Variants in AK7 observed in about 807,000 individuals in gnomAD.
AK7 encodes ATP-AMP transphosphorylase 7.
Under a neutral mutation model 96.6 loss-of-function variants are expected in AK7, and 78 were observed. The ratio of observed to expected loss-of-function variants is 0.81; its 90% CI spans 0.67 to 0.97. The LOEUF (loss-of-function observed/expected upper bound fraction) is 0.97. Among genes scored for constraint, AK7 ranks in the 50% least tolerant of loss-of-function variants. AK7 has a pLI of 0.00. For synonymous variants in AK7, 302 were observed against 317.2 expected, an observed-to-expected ratio of 0.95 and a Z score of 0.51; for missense variants, 855 against 887.9, an observed-to-expected ratio of 0.96 and a Z score of 0.47.
chr14:96,392,408 GC>G, intron 1 of AK7, 149 bp downstream of exon 1: 2 of 641,568 alleles, frequency 3.1e-6, no homozygotes, highest in South Asian at 1.9e-5. Flanking sequence ...CACCACCAAT[GC>G]CCCCTGGACC....
At chr14:96,393,784 G>A (rs991434985) in intron 1 of AK7, among the ~76,000 whole-genome samples, 1 of 152,014 alleles carries the variant, frequency 6.6e-6, no homozygotes, top group African/African-American at 2.4e-5. Context: ...GGGGGTAGAC[G>A]CTATTTAACC....
chr14:96,486,599 C>T (rs1199339088), intron 16 of AK7, among the ~76,000 whole-genome samples: 2 of 151,106 alleles, frequency 1.3e-5, no homozygotes, highest in East Asian at 3.9e-4. Flanking sequence ...TTGCACATGT[C>T]ACTATCCCAA....
chr14:96,397,739 T>G (rs1890162035), intron 1 of AK7, among the ~76,000 whole-genome samples: 4 of 152,216 alleles, frequency 2.6e-5, no homozygotes, highest in Admixed American at 2.6e-4. Context: ...AAATAACCTA[T>G]GTGGCTCCTA....
At chr14:96,405,598 A>G (rs1041115828) in intron 3 of AK7, among the ~76,000 whole-genome samples, 5 of 152,230 alleles carry the variant, frequency 3.3e-5, no homozygotes, top group Non-Finnish European at 7.3e-5. Flanking sequence ...ACCCCAAGGC[A>G]CAAGTCATCA....
At chr14:96,451,393 A>C (rs371692761) in intron 9 of AK7, 28 bp from the exon 10 acceptor site, 4 of 1,514,984 alleles carry the variant, frequency 2.6e-6, no homozygotes, top group Non-Finnish European at 2.7e-6. Context: ...AAAAAAAGAC[A>C]AATCTCTAAT....
chr14:96,465,989 G>A lies in AK7; in HGVS notation c.1358-5489G>A, dbSNP rs568098563. Among the ~76,000 whole-genome samples the A allele has an allele frequency of 6.8e-5, 9 of 133,046 alleles. No individual in the cohort carries two copies. In the East Asian group the frequency reaches 1.7e-3, roughly 26 times the overall value. 87.3% of individuals were successfully genotyped at this position (133,046 alleles called of 152,430 possible). A position where few individuals can be genotyped will look rare whatever the true frequency, so the allele number is the denominator to read the frequency against. ...CATGCCACTGCACTCCAGACAGGGC[G>A]ATAGAGCAAGACTCCATCTCAAAAA... On this transcript the variant is annotated intron_variant, in intron 12 of 17. Transcript: ENST00000267584.
intron 12 of AK7, among the ~76,000 whole-genome samples, chr14:96,467,766 A>G (rs1894653810): frequency 6.6e-6 from 1 of 152,126 alleles, no homozygotes; most frequent in South Asian, 2.1e-4. Context: ...TCAGCAAACA[A>G]TGGAGTTTTA....
chr14:96,451,354 T>G, intron 9 of AK7, 67 bp from the exon 10 acceptor site: 1 of 1,352,576 alleles, frequency 7.4e-7, no homozygotes, highest in Middle Eastern at 1.9e-4. Flanking sequence ...TGTAGTGATT[T>G]TGGTCTGTTA....
intron 12 of AK7, among the ~76,000 whole-genome samples, chr14:96,463,746 AAG>A (rs1894402155): frequency 6.6e-6 from 1 of 151,922 alleles, no homozygotes; most frequent in South Asian, 2.1e-4. Flanking sequence ...AAAGGAAAAA[AAG>A]AGAGGAGAGG....
At chr14:96,437,508 T>C (rs1892703702) in intron 5 of AK7, among the ~76,000 whole-genome samples, 1 of 152,106 alleles carries the variant, frequency 6.6e-6, no homozygotes, top group African/African-American at 2.4e-5. Context: ...TCATTAAAGA[T>C]CCTCGTGGAA....
chr14:96,470,450 C>T (rs1894822306), intron 12 of AK7, among the ~76,000 whole-genome samples: 1 of 152,110 alleles, frequency 6.6e-6, no homozygotes, highest in South Asian at 2.1e-4. Flanking sequence ...AACATTGTAG[C>T]TGTTCAATAA....
intron 2 of AK7, among the ~76,000 whole-genome samples, chr14:96,404,424 A>C (rs1315958054): frequency 2.0e-5 from 3 of 152,082 alleles, no homozygotes; most frequent in African/African-American, 7.2e-5. Context: ...ATAGAGTTTG[A>C]ATTAGTTTTA....
intron 5 of AK7, among the ~76,000 whole-genome samples, chr14:96,435,249 A>G (rs959131621): frequency 1.3e-5 from 2 of 152,150 alleles, no homozygotes; most frequent in African/African-American, 4.8e-5. Context: ...AAGGCCCTCA[A>G]CATAGTACCT....
intron 16 of AK7, 32 bp downstream of exon 16, chr14:96,483,251 A>G (rs1439087763): frequency 6.4e-7 from 1 of 1,562,194 alleles, no homozygotes; most frequent in Non-Finnish European, 8.7e-7. Flanking sequence ...GAGTCTGTGT[A>G]TCTGTGGAAC....
At chr14:96,396,207 C>T (rs1890075981) in intron 1 of AK7, among the ~76,000 whole-genome samples, 1 of 152,118 alleles carries the variant, frequency 6.6e-6, no homozygotes, top group African/African-American at 2.4e-5. Flanking sequence ...ACGCTCTGTC[C>T]AGAGATCTTT....
chr14:96,438,643 G>A (rs1232221732), intron 6 of AK7, among the ~76,000 whole-genome samples: 1 of 152,182 alleles, frequency 6.6e-6, no homozygotes, highest in Non-Finnish European at 1.5e-5. Flanking sequence ...AGCCCAGCCT[G>A]GTAGCCCCTC....
chr14:96,430,526 A>G (rs896906129), intron 5 of AK7, among the ~76,000 whole-genome samples: 35 of 151,950 alleles, frequency 2.3e-4, no homozygotes, highest in African/African-American at 7.7e-4. Flanking sequence ...TTCTGCATCT[A>G]TTGAGATAAT....
intron 4 of AK7, among the ~76,000 whole-genome samples, chr14:96,418,339 G>GAAAAAAAAAAAAAAAAAAAAAA (rs1891473680): frequency 3.5e-5 from 1 of 28,430 alleles, no homozygotes. Flanking sequence ...AAAAAAAAAG[G>GAAAAAAAAAAAAAAAAAAAAAA]CTTCAAATCC....
At chr14:96,428,008 C>T (rs1408400936) in intron 5 of AK7, among the ~76,000 whole-genome samples, 1 of 152,096 alleles carries the variant, frequency 6.6e-6, no homozygotes, top group Non-Finnish European at 1.5e-5. Context: ...TACATGTGCA[C>T]AATGGGCAGG....
Sources: allele counts gnomAD v4.1 joint callset (sites outside exome capture counted in the v4.1 genomes callset), GRCh38; gene constraint gnomAD v4.1.1; transcripts MANE v1.5; gene names NCBI Gene and HGNC (gene_info 2026-07-23, HGNC 2026-07-21).